Variants in SYN2 observed in about 807,000 individuals in gnomAD.
The protein encoded by SYN2 is synapsin-2.
In SYN2, 19 loss-of-function variants were observed where a neutral mutation model predicts 50.9. The observed-to-expected ratio is 0.37, with a 90% CI of 0.26 to 0.55. The LOEUF (loss-of-function observed/expected upper bound fraction) is 0.55. Ranked by LOEUF, SYN2 falls within the 20% of genes least tolerant of loss-of-function variation. The pLI is 0.81. For missense variants in SYN2, 587 were observed against 576.4 expected, an observed-to-expected ratio of 1.02 and a Z score of -0.19; for synonymous variants, 255 against 224.9, an observed-to-expected ratio of 1.13 and a Z score of -1.20.
chr3:12,169,003 G>A (rs1387051247), intron 9 of SYN2, among the ~76,000 whole-genome samples: 5 of 152,242 alleles, frequency 3.3e-5, no homozygotes, highest in African/African-American at 1.2e-4. Context: ...CTGGCTGGGA[G>A]CAGGAAAGGC....
intron 5 of SYN2, chr3:12,159,094 T>C: frequency 2.1e-6 from 1 of 485,852 alleles, no homozygotes; most frequent in Non-Finnish European, 3.5e-6. Context: ...TCTGTTTCCC[T>C]GCCTAAGTCA....
intron 1 of SYN2, among the ~76,000 whole-genome samples, chr3:12,092,621 A>G (rs756418453): frequency 1.2e-4 from 19 of 152,198 alleles, no homozygotes; most frequent in Admixed American, 5.9e-4. Flanking sequence ...GCATCCCTGG[A>G]CCACTCATAT....
chr3:12,177,343 TTGTTAG>T (rs1325530346), intron 10 of SYN2, among the ~76,000 whole-genome samples: 1 of 152,310 alleles, frequency 6.6e-6, no homozygotes, highest in South Asian at 2.1e-4. Flanking sequence ...TTATCAGCCA[TTGTTAG>T]TGTTAGTGTA....
intron 1 of SYN2, among the ~76,000 whole-genome samples, chr3:12,064,990 A>T (rs1177723600): frequency 6.6e-6 from 1 of 152,206 alleles, no homozygotes; most frequent in African/African-American, 2.4e-5. Context: ...TTAAATGGGT[A>T]AACAAAATGT....
At chr3:12,100,778 CA>C (rs141340309) in intron 1 of SYN2, among the ~76,000 whole-genome samples, 5,136 of 151,896 alleles carry the variant, frequency 0.034, 268 homozygotes, top group African/African-American at 0.11. Context: ...TCAACCACAA[CA>C]AAAAACCCAT....
chr3:12,175,531 TA>T (rs1183818073), intron 10 of SYN2, among the ~76,000 whole-genome samples: 1 of 152,228 alleles, frequency 6.6e-6, no homozygotes, highest in Non-Finnish European at 1.5e-5. Context: ...GTCTGAGTCA[TA>T]AGCCCTAGGA....
chr3:12,050,711 C>CTTTTCTTTTTT (rs1694839288), intron 1 of SYN2, among the ~76,000 whole-genome samples: 1 of 50,528 alleles, frequency 2.0e-5, no homozygotes, highest in Non-Finnish European at 4.6e-5. Context: ...CTTCTCTTCT[C>CTTTTCTTTTTT]TTTTTTTTTT....
chr3:12,137,396 GA>G (rs1696918253), intron 1 of SYN2, among the ~76,000 whole-genome samples: 1 of 152,128 alleles, frequency 6.6e-6, no homozygotes, highest in Non-Finnish European at 1.5e-5. Context: ...TTGGGTGGGG[GA>G]CAGTTTGGGA....
chr3:12,178,147 G>A (rs946597016), intron 10 of SYN2, among the ~76,000 whole-genome samples: 22 of 152,180 alleles, frequency 1.4e-4, no homozygotes, highest in Non-Finnish European at 3.1e-4. Flanking sequence ...ACCAGGGAGC[G>A]GGGCCTGGGG....
intron 1 of SYN2, among the ~76,000 whole-genome samples, chr3:12,045,815 A>G (rs1694725968): frequency 6.6e-6 from 1 of 152,192 alleles, no homozygotes. Context: ...GGAGAGTACT[A>G]TATAGAATTT....
chr3:12,114,912 C>T (rs1281100809), intron 1 of SYN2, among the ~76,000 whole-genome samples: 1 of 152,132 alleles, frequency 6.6e-6, no homozygotes, highest in Non-Finnish European at 1.5e-5. Context: ...AACCACAACT[C>T]CTCTGTTAGC....
chr3:12,144,195 G>A (rs1347912325), intron 3 of SYN2, among the ~76,000 whole-genome samples: 1 of 152,224 alleles, frequency 6.6e-6, no homozygotes, highest in Non-Finnish European at 1.5e-5. Context: ...AAGCTTTGCT[G>A]GCTAGAGGGG....
At chr3:12,160,296 A>G (rs1041279157) in intron 5 of SYN2, among the ~76,000 whole-genome samples, 9 of 152,000 alleles carry the variant, frequency 5.9e-5, no homozygotes, top group Non-Finnish European at 1.0e-4. Context: ...TTTTCTTCAT[A>G]AAGTAGAGTT....
At chr3:12,033,428 G>A (rs1253761088) in intron 1 of SYN2, among the ~76,000 whole-genome samples, 2 of 152,206 alleles carry the variant, frequency 1.3e-5, no homozygotes, top group African/African-American at 4.8e-5. Flanking sequence ...GCTGTGACCA[G>A]TGGTAAGCTT....
chr3:12,134,834 G>A (rs2125212120), intron 1 of SYN2, among the ~76,000 whole-genome samples: 1 of 152,294 alleles, frequency 6.6e-6, no homozygotes, highest in South Asian at 2.1e-4. Context: ...TAAATCTGAA[G>A]AGTTGAGTGG....
intron 1 of SYN2, among the ~76,000 whole-genome samples, chr3:12,103,465 A>G (rs779117771): frequency 5.3e-5 from 8 of 152,172 alleles, no homozygotes; most frequent in Non-Finnish European, 1.0e-4. Flanking sequence ...CTAAAGGGGG[A>G]TGATTGCAGT....
intron 1 of SYN2, among the ~76,000 whole-genome samples, chr3:12,056,269 G>T: frequency 6.6e-6 from 1 of 151,984 alleles, no homozygotes; most frequent in Non-Finnish European, 1.5e-5. Flanking sequence ...CAAGAGAGTG[G>T]TTACCTTTGC....
chr3:12,163,168 G>A (rs1228200170), intron 7 of SYN2, among the ~76,000 whole-genome samples: 2 of 145,192 alleles, frequency 1.4e-5, no homozygotes, highest in Non-Finnish European at 3.0e-5. Context: ...CATGAACCCG[G>A]AAGGCAGAGC....
chr3:12,021,229 A>G (rs886106926), intron 1 of SYN2, among the ~76,000 whole-genome samples: 10 of 152,196 alleles, frequency 6.6e-5, no homozygotes, highest in Non-Finnish European at 1.0e-4. Flanking sequence ...TTTTCAGGAG[A>G]CCAACTACTT....
Sources: allele counts gnomAD v4.1 joint callset (sites outside exome capture counted in the v4.1 genomes callset), GRCh38; gene constraint gnomAD v4.1.1; transcripts MANE v1.5; gene names NCBI Gene and HGNC (gene_info 2026-07-23, HGNC 2026-07-21).